Variants in GRM7 observed in about 807,000 individuals in gnomAD.
GRM7 encodes the protein metabotropic glutamate receptor 7.
In GRM7, 35 loss-of-function variants were observed where a neutral mutation model predicts 84.5. That is an observed-to-expected ratio of 0.41 (90% CI 0.32 to 0.55). GRM7 has a LOEUF of 0.55. GRM7 is among the 20% of genes least tolerant of loss of function. GRM7 has a pLI of 0.19. For synonymous variants in GRM7, 487 were observed against 455.1 expected (o/e 1.07, Z -0.89); for missense variants, 1,003 against 1,194.6 (o/e 0.84, Z 2.36).
chr3:6,939,167 G>C (rs1697799830), intron 1 of GRM7, among the ~76,000 whole-genome samples: 1 of 152,216 alleles, frequency 6.6e-6, no homozygotes, highest in South Asian at 2.1e-4. Context: ...CTCCAGCTCA[G>C]TTAAGAAAAG....
chr3:6,887,222 T>C (rs1191629141), intron 1 of GRM7, among the ~76,000 whole-genome samples: 1 of 151,986 alleles, frequency 6.6e-6, no homozygotes, highest in Non-Finnish European at 1.5e-5. Flanking sequence ...GTTTAAAGTC[T>C]TTTTATTTTA....
intron 1 of GRM7, among the ~76,000 whole-genome samples, chr3:7,042,004 T>C (rs926433181): frequency 2.0e-5 from 3 of 151,962 alleles, no homozygotes; most frequent in Admixed American, 6.6e-5. Context: ...GCACATGGAG[T>C]CTCCTGAAGG....
At chr3:7,072,441 G>A (rs1414819136) in intron 1 of GRM7, among the ~76,000 whole-genome samples, 1 of 152,132 alleles carries the variant, frequency 6.6e-6, no homozygotes, top group East Asian at 1.9e-4. Context: ...CAGCACTTTA[G>A]GAGGCTGAGG....
At chr3:7,114,481 A>G (rs985077582) in intron 1 of GRM7, among the ~76,000 whole-genome samples, 4 of 152,206 alleles carry the variant, frequency 2.6e-5, no homozygotes, top group African/African-American at 7.2e-5. Flanking sequence ...ACAACAGAAT[A>G]CATTTTTTAA....
At chr3:7,017,969 A>C (rs1335577225) in intron 1 of GRM7, among the ~76,000 whole-genome samples, 1 of 152,204 alleles carries the variant, frequency 6.6e-6, no homozygotes, top group Non-Finnish European at 1.5e-5. Context: ...AGCCAAATAA[A>C]AGGGAAAGAT....
chr3:7,388,316 TC>T (rs1414337546), intron 4 of GRM7, among the ~76,000 whole-genome samples: 2 of 152,110 alleles, frequency 1.3e-5, no homozygotes, highest in Non-Finnish European at 2.9e-5. Flanking sequence ...GGCTGGGACT[TC>T]CGGATGTGCT....
chr3:7,105,757 A>T (rs1356469340), intron 1 of GRM7, among the ~76,000 whole-genome samples: 2 of 151,854 alleles, frequency 1.3e-5, no homozygotes, highest in African/African-American at 4.8e-5. Flanking sequence ...ATGTCCAAAA[A>T]TGAAAATTCA....
intron 5 of GRM7, among the ~76,000 whole-genome samples, chr3:7,427,166 G>T (rs115839020): frequency 5.7e-4 from 87 of 152,286 alleles, no homozygotes; most frequent in African/African-American, 2.0e-3. Context: ...ATTGACAAGT[G>T]TTCCCACTTT....
At chr3:7,424,980 A>T (rs368229617) in intron 5 of GRM7, among the ~76,000 whole-genome samples, 3 of 152,146 alleles carry the variant, frequency 2.0e-5, no homozygotes, top group Non-Finnish European at 4.4e-5. Context: ...GTTCAGATGG[A>T]TCAACCCAAT....
intron 5 of GRM7, among the ~76,000 whole-genome samples, chr3:7,437,495 A>G (rs1697105914): frequency 6.6e-6 from 1 of 152,142 alleles, no homozygotes; most frequent in Non-Finnish European, 1.5e-5. Flanking sequence ...AGTTTTTTAG[A>G]TAGTACTAAC....
At chr3:7,523,085 A>G (rs560520473) in intron 7 of GRM7, among the ~76,000 whole-genome samples, 5 of 152,270 alleles carry the variant, frequency 3.3e-5, no homozygotes, top group African/African-American at 9.6e-5. Flanking sequence ...CTGTTGTTCA[A>G]GCAATTTCTA....
At chr3:7,214,069 A>G (rs1458125933) in intron 2 of GRM7, among the ~76,000 whole-genome samples, 1 of 151,866 alleles carries the variant, frequency 6.6e-6, no homozygotes, top group East Asian at 1.9e-4. Context: ...AATTTTATTT[A>G]ATGTTAGTTT....
chr3:7,607,084 T>A (rs1369510245), intron 8 of GRM7: 1 of 152,144 alleles, frequency 6.6e-6, no homozygotes, highest in Non-Finnish European at 1.5e-5. Context: ...GGCAGATGAG[T>A]TTTACTTTCC....
chr3:7,546,715 A>C (rs1462651285), intron 7 of GRM7, among the ~76,000 whole-genome samples: 1 of 152,000 alleles, frequency 6.6e-6, no homozygotes, highest in Non-Finnish European at 1.5e-5. Context: ...TTTTTCTTAC[A>C]GACAAGCTGA....
intron 2 of GRM7, among the ~76,000 whole-genome samples, chr3:7,205,000 G>T (rs1381606277): frequency 1.3e-5 from 2 of 152,162 alleles, no homozygotes; most frequent in African/African-American, 2.4e-5. Flanking sequence ...TGACTTATTT[G>T]AATATTATCT....
intron 5 of GRM7, among the ~76,000 whole-genome samples, chr3:7,428,853 T>C (rs969105446): frequency 3.9e-5 from 6 of 152,228 alleles, no homozygotes; most frequent in African/African-American, 1.4e-4. Flanking sequence ...TTAATTTTCT[T>C]CATTAAAATA....
chr3:7,341,493 C>T (rs927867357), intron 4 of GRM7, among the ~76,000 whole-genome samples: 1 of 151,852 alleles, frequency 6.6e-6, no homozygotes, highest in African/African-American at 2.4e-5. Context: ...CCTTTGCAAT[C>T]CCACACACGG....
At chr3:7,566,894 T>C (rs1694307988) in intron 7 of GRM7, among the ~76,000 whole-genome samples, 1 of 152,192 alleles carries the variant, frequency 6.6e-6, no homozygotes. Context: ...AGATTTACTT[T>C]TGTGGCCAAC....
chr3:7,652,143 A>C lies in GRM7; in HGVS notation c.2452-27906A>C, dbSNP rs1045885480. On this transcript the variant is annotated intron_variant, in intron 8 of 9. Transcript: ENST00000357716. ...AGCTGGCTTGTTCTGAATAGTATAC[A>C]GATATTTTATCCAGAATGACTATGA... Among the ~76,000 whole-genome samples the C allele has an allele frequency of 4.6e-5, 7 of 152,198 alleles. No individual in the cohort carries two copies. In the East Asian group the frequency reaches 1.3e-3, roughly 29 times the overall value.
Sources: allele counts gnomAD v4.1 joint callset (sites outside exome capture counted in the v4.1 genomes callset), GRCh38; gene constraint gnomAD v4.1.1; transcripts MANE v1.5; gene names NCBI Gene and HGNC (gene_info 2026-07-23, HGNC 2026-07-21).